The following CPQ variants were observed in gnomAD, a reference collection of about 807,000 sequenced individuals.
CPQ encodes the protein carboxypeptidase Q.
In CPQ, 37 loss-of-function variants were observed where a neutral mutation model predicts 45.7. That is an observed-to-expected ratio of 0.81 (90% CI 0.62 to 1.07). The LOEUF is 1.07. Among genes scored for constraint, CPQ ranks in the 50% least tolerant of loss-of-function variants. CPQ has a pLI of 0.00. For synonymous variants in CPQ, 186 were observed against 205.8 expected, an observed-to-expected ratio of 0.90 and a Z score of 0.82; for missense variants, 537 against 572.9, an observed-to-expected ratio of 0.94 and a Z score of 0.64.
chr8:96,945,604 G>A (rs13258360), intron 4 of CPQ, among the ~76,000 whole-genome samples: 7,890 of 152,134 alleles, frequency 0.052, 309 homozygotes, highest in Non-Finnish European at 0.074. Flanking sequence ...GCCTAGGAGC[G>A]TGGTTATTTT....
At chr8:97,094,626 C>CTGAG (rs1483212211) in intron 7 of CPQ, among the ~76,000 whole-genome samples, 6 of 152,148 alleles carry the variant, frequency 3.9e-5, no homozygotes, top group African/African-American at 1.4e-4. Flanking sequence ...GGGCTATGTT[C>CTGAG]TGAGTCCGGT....
intron 5 of CPQ, among the ~76,000 whole-genome samples, chr8:97,013,979 A>G (rs1809535367): frequency 6.6e-6 from 1 of 152,236 alleles, no homozygotes; most frequent in Non-Finnish European, 1.5e-5. Context: ...TCCACACTCA[A>G]AATTGTTTTA....
chr8:97,044,943 C>T (rs922537710), intron 6 of CPQ, among the ~76,000 whole-genome samples: 1 of 152,162 alleles, frequency 6.6e-6, no homozygotes, highest in African/African-American at 2.4e-5. Context: ...GGGTCAGGGA[C>T]CCACTTGAGG....
intron 4 of CPQ, among the ~76,000 whole-genome samples, chr8:96,965,630 A>C (rs1476365197): frequency 1.3e-5 from 2 of 152,048 alleles, no homozygotes; most frequent in African/African-American, 2.4e-5. Flanking sequence ...CGGCCTCCCA[A>C]AGTGCTGGGA....
chr8:96,893,174 C>T (rs1039276556), intron 4 of CPQ, among the ~76,000 whole-genome samples: 2 of 152,196 alleles, frequency 1.3e-5, no homozygotes, highest in Non-Finnish European at 2.9e-5. Context: ...TATCCAAGAA[C>T]AATTCATTAT....
intron 3 of CPQ, among the ~76,000 whole-genome samples, chr8:96,862,267 A>G (rs1458986665): frequency 6.7e-6 from 1 of 149,968 alleles, no homozygotes; most frequent in Non-Finnish European, 1.5e-5. Context: ...TGGGGACAAT[A>G]ATATTGATTT....
intron 6 of CPQ, among the ~76,000 whole-genome samples, chr8:97,065,186 A>T (rs539513450): frequency 6.6e-6 from 1 of 151,602 alleles, no homozygotes; most frequent in South Asian, 2.1e-4. Context: ...TGGGAAACAG[A>T]TGAGCTGGCC....
chr8:97,027,119 T>C (rs1193785001), intron 5 of CPQ, among the ~76,000 whole-genome samples: 1 of 152,246 alleles, frequency 6.6e-6, no homozygotes, highest in Non-Finnish European at 1.5e-5. Context: ...TATTTTTGCC[T>C]ATATTACAAG....
intron 4 of CPQ, among the ~76,000 whole-genome samples, chr8:96,918,885 C>G (rs948091944): frequency 6.6e-6 from 1 of 152,076 alleles, no homozygotes; most frequent in African/African-American, 2.4e-5. Flanking sequence ...TTTCATACTG[C>G]TTTCTAAAAA....
intron 7 of CPQ, among the ~76,000 whole-genome samples, chr8:97,125,145 G>A (rs1211344694): frequency 6.6e-6 from 1 of 152,050 alleles, no homozygotes; most frequent in Non-Finnish European, 1.5e-5. Context: ...CAACAACGCA[G>A]ATGACATGCA....
intron 7 of CPQ, among the ~76,000 whole-genome samples, chr8:97,123,724 A>C (rs1811796569): frequency 6.6e-6 from 1 of 152,180 alleles, no homozygotes; most frequent in Admixed American, 6.5e-5. Context: ...AGAAATCGTC[A>C]AACTGAATAA....
At chr8:96,764,095 A>T (rs1810439069) in intron 1 of CPQ, among the ~76,000 whole-genome samples, 1 of 152,182 alleles carries the variant, frequency 6.6e-6, no homozygotes, top group African/African-American at 2.4e-5. Flanking sequence ...TTGTTATAGG[A>T]GTTTTACTTG....
At chr8:97,135,313 T>G (rs1812032853) in intron 7 of CPQ, among the ~76,000 whole-genome samples, 1 of 152,110 alleles carries the variant, frequency 6.6e-6, no homozygotes, top group African/African-American at 2.4e-5. Context: ...TTTCATTTTT[T>G]CCCCCTCTTA....
At chr8:96,708,828 TACTA>T (rs1809569975) in intron 1 of CPQ, among the ~76,000 whole-genome samples, 1 of 152,154 alleles carries the variant, frequency 6.6e-6, no homozygotes, top group Admixed American at 6.5e-5. Flanking sequence ...TAAATGGAAT[TACTA>T]CCTACATAGT....
At chr8:96,902,643 C>T (rs575212817) in intron 4 of CPQ, among the ~76,000 whole-genome samples, 3 of 152,280 alleles carry the variant, frequency 2.0e-5, no homozygotes, top group Non-Finnish European at 2.9e-5. Context: ...CCCCCTTGCC[C>T]TTGTCTGCTA....
chr8:96,792,656 A>G (rs1355510429), intron 2 of CPQ, among the ~76,000 whole-genome samples: 1 of 152,136 alleles, frequency 6.6e-6, no homozygotes, highest in Non-Finnish European at 1.5e-5. Flanking sequence ...CTCAACATCT[A>G]GCATCATACT....
intron 3 of CPQ, among the ~76,000 whole-genome samples, chr8:96,841,539 G>A (rs1811609259): frequency 1.3e-5 from 2 of 152,242 alleles, no homozygotes; most frequent in South Asian, 2.1e-4. Context: ...CAGGGACTGC[G>A]ACTTTTAATC....
chr8:96,857,421 G>T (rs1365554724), intron 3 of CPQ, among the ~76,000 whole-genome samples: 1 of 152,142 alleles, frequency 6.6e-6, no homozygotes, highest in African/African-American at 2.4e-5. Flanking sequence ...TTGAACAGAA[G>T]ATTTTCAAAA....
Position 96,908,253 on chromosome 8 carries a change from G to C in CPQ, c.849+28248G>C, listed in dbSNP as rs1271820467. On this transcript the variant is annotated intron_variant, in intron 4 of 7. Transcript: ENST00000220763. ...GACAATATATTTCAGAATTCTTAAG[G>C]TTTGCTCCTCATTATTCTGTGATGT... 2.0e-5 allele frequency among the ~76,000 whole-genome samples: 3 copies of C among 151,978 alleles called. No homozygotes were observed. The South Asian group carries it at 6.2e-4, about 32-fold the overall frequency.
Sources: allele counts gnomAD v4.1 joint callset (sites outside exome capture counted in the v4.1 genomes callset), GRCh38; gene constraint gnomAD v4.1.1; transcripts MANE v1.5; gene names NCBI Gene and HGNC (gene_info 2026-07-23, HGNC 2026-07-21).